Variants in OSBPL8 observed in about 807,000 individuals in gnomAD.
OSBPL8 encodes oxysterol-binding protein-related protein 8.
Under a neutral mutation model 125.5 loss-of-function variants are expected in OSBPL8, and 59 were observed. That is an observed-to-expected ratio of 0.47 (90% CI 0.38 to 0.58). The LOEUF (loss-of-function observed/expected upper bound fraction) is 0.58. OSBPL8 is among the 20% of genes least tolerant of loss of function. The probability of loss-of-function intolerance (pLI) is 0.00; values close to 1 mark genes in which losing one functional copy is unlikely to be tolerated. For synonymous variants in OSBPL8, 330 were observed against 338.9 expected, an observed-to-expected ratio of 0.97 and a Z score of 0.29; for missense variants, 758 against 1,047.8, an observed-to-expected ratio of 0.72 and a Z score of 3.82.
chr12:76,369,086 GA>G, intron 21 of OSBPL8, 127 bp downstream of exon 21: 2 of 1,213,578 alleles, frequency 1.6e-6, no homozygotes, highest in Non-Finnish European at 2.2e-6. Context: ...GGGGTAAGAA[GA>G]GTTCAGAGCT....
intron 2 of OSBPL8, among the ~76,000 whole-genome samples, chr12:76,462,656 TA>T (rs1441254790): frequency 2.6e-5 from 4 of 151,878 alleles, no homozygotes; most frequent in South Asian, 4.1e-4. Flanking sequence ...ATATATAGCA[TA>T]AAAACTAGGG....
chr12:76,516,093 C>T (rs1454291416), intron 1 of OSBPL8, among the ~76,000 whole-genome samples: 1 of 152,102 alleles, frequency 6.6e-6, no homozygotes, highest in Non-Finnish European at 1.5e-5. Flanking sequence ...TCATCCATTT[C>T]AAAAAATCTG....
At chr12:76,503,036 A>AC (rs1364008712) in intron 1 of OSBPL8, among the ~76,000 whole-genome samples, 1 of 152,190 alleles carries the variant, frequency 6.6e-6, no homozygotes, top group Non-Finnish European at 1.5e-5. Flanking sequence ...AATGAACATC[A>AC]CCCAAGGACT....
intron 1 of OSBPL8, among the ~76,000 whole-genome samples, chr12:76,511,698 T>A (rs888741098): frequency 6.6e-6 from 1 of 152,232 alleles, no homozygotes; most frequent in East Asian, 1.9e-4. Context: ...GCTGACAGTT[T>A]CTTTTGCTGT....
chr12:76,515,388 A>G (rs1881430697), intron 1 of OSBPL8, among the ~76,000 whole-genome samples: 1 of 152,060 alleles, frequency 6.6e-6, no homozygotes, highest in African/African-American at 2.4e-5. Context: ...ATGGAAGCTG[A>G]TTTCTTATCT....
chr12:76,444,172 T>C (rs1872515346), intron 4 of OSBPL8, among the ~76,000 whole-genome samples: 1 of 152,174 alleles, frequency 6.6e-6, no homozygotes, highest in African/African-American at 2.4e-5. Flanking sequence ...TGAGTCAATA[T>C]ACATAACAGA....
intron 1 of OSBPL8, among the ~76,000 whole-genome samples, chr12:76,492,502 T>G (rs1229948006): frequency 6.6e-6 from 1 of 151,578 alleles, no homozygotes; most frequent in African/African-American, 2.4e-5. Flanking sequence ...CAGCAGGAGG[T>G]GAAAGGTGGG....
At chr12:76,383,864 C>G (rs1953168858) in intron 15 of OSBPL8, among the ~76,000 whole-genome samples, 1 of 151,844 alleles carries the variant, frequency 6.6e-6, no homozygotes, top group African/African-American at 2.4e-5. Context: ...ACTGACTGAC[C>G]CTGGGCCAGG....
At chr12:76,533,150 T>G (rs956518374) in intron 1 of OSBPL8, among the ~76,000 whole-genome samples, 1 of 152,216 alleles carries the variant, frequency 6.6e-6, no homozygotes, top group East Asian at 1.9e-4. Context: ...TAAAACACCA[T>G]ATATCCTATC....
intron 4 of OSBPL8, among the ~76,000 whole-genome samples, chr12:76,441,006 C>T (rs191019396): frequency 6.6e-6 from 1 of 152,306 alleles, no homozygotes; most frequent in Admixed American, 6.5e-5. Context: ...TTTCTCTGAA[C>T]ATCTACTTTG....
At chr12:76,400,420 T>C (rs1430260465) in intron 6 of OSBPL8, among the ~76,000 whole-genome samples, 1 of 152,236 alleles carries the variant, frequency 6.6e-6, no homozygotes, top group African/African-American at 2.4e-5. Flanking sequence ...TTTAGGTTGA[T>C]TCCATGTCTT....
chr12:76,507,699 T>C (rs569340299), intron 1 of OSBPL8, among the ~76,000 whole-genome samples: 1 of 151,530 alleles, frequency 6.6e-6, no homozygotes, highest in East Asian at 1.9e-4. Flanking sequence ...GGTGCATGCC[T>C]GTAATCCCAG....
At chr12:76,523,152 A>C (rs145968843) in intron 1 of OSBPL8, among the ~76,000 whole-genome samples, 176 of 152,286 alleles carry the variant, frequency 1.2e-3, no homozygotes, top group Middle Eastern at 3.4e-3. Flanking sequence ...TCCTATCTAG[A>C]GTTTCCAGTA....
intron 2 of OSBPL8, among the ~76,000 whole-genome samples, chr12:76,486,775 TG>T (rs1878180053): frequency 1.3e-5 from 2 of 152,206 alleles, no homozygotes; most frequent in Non-Finnish European, 2.9e-5. Context: ...TTATTTTAAC[TG>T]TTTCATTCCC....
rs1270986732 is a variant in OSBPL8, at chr12:76,394,649, T to A, written c.753A>T (p.Ser251=). 6.2e-7 allele frequency: 1 copy of A among 1,609,994 alleles called. No homozygotes were observed. The highest frequency in any genetic ancestry group is 8.5e-7 in the Non-Finnish European group (1 of 1,178,196). Residue 251 remains serine (S), a synonymous_variant, in exon 9 of 24, where the codon TCA becomes TCT. Transcript: ENST00000261183. ...TCCATCAAAAACTATACTTACCATCTGACTCTGAAGTAGCTCGGATGATCA... is the reference window on the plus strand; with the variant it reads ...TCCATCAAAAACTATACTTACCATCAGACTCTGAAGTAGCTCGGATGATCA... ...SYLIIRATSE[S]DGRCWMDALE... is the part of the protein sequence containing the mutation.
rs977944427 is a variant in OSBPL8 at position 76,373,197 on chromosome 12, A to C, written c.1917+147T>G. The C allele has an allele frequency of 1.0e-4, 55 of 526,934 alleles. No individual in the cohort carries two copies. In the Admixed American group the frequency reaches 1.4e-3, roughly 13 times the overall value. 32.6% of individuals were successfully genotyped at this position (526,934 alleles called of 1,614,324 possible). A position where few individuals can be genotyped will look rare whatever the true frequency, so the allele number is the denominator to read the frequency against. ...AAAATTAACTACTGTTGATAACAGAACACCACCAAAATATCTGCTATTAAG... is the reference window on the plus strand; with the variant it reads ...AAAATTAACTACTGTTGATAACAGACCACCACCAAAATATCTGCTATTAAG... On this transcript the variant is annotated intron_variant, in intron 18 of 23. Coordinates refer to ENST00000261183, the MANE Select transcript of OSBPL8 (RefSeq NM_020841.5).
chr12:76,467,656 TCA>T (rs984330393), intron 2 of OSBPL8, among the ~76,000 whole-genome samples: 1 of 152,100 alleles, frequency 6.6e-6, no homozygotes, highest in Non-Finnish European at 1.5e-5. Flanking sequence ...TATTTCACAT[TCA>T]GTCTTTTTTT....
chr12:76,403,955 C>T (rs1185529363), intron 5 of OSBPL8, among the ~76,000 whole-genome samples: 1 of 152,148 alleles, frequency 6.6e-6, no homozygotes, highest in Admixed American at 6.5e-5. Flanking sequence ...GTACTTGCAG[C>T]TCATTTCTCT....
intron 1 of OSBPL8, among the ~76,000 whole-genome samples, chr12:76,532,345 AAAC>A (rs1232523607): frequency 6.6e-6 from 1 of 152,182 alleles, no homozygotes. Context: ...GATGTTGCTC[AAAC>A]AACATAGCAA....
Sources: allele counts gnomAD v4.1 joint callset (sites outside exome capture counted in the v4.1 genomes callset), GRCh38; gene constraint gnomAD v4.1.1; transcripts MANE v1.5; gene names NCBI Gene and HGNC (gene_info 2026-07-23, HGNC 2026-07-21).